The following ARL15 variants were observed in gnomAD, a reference collection of about 807,000 sequenced individuals.
ARL15 encodes the protein ADP-ribosylation factor-like protein 15.
Under a neutral mutation model 25.2 loss-of-function variants are expected in ARL15, and 19 were observed. The ratio of observed to expected loss-of-function variants is 0.75; its 90% CI spans 0.53 to 1.10. ARL15 has a LOEUF of 1.10. Among genes scored for constraint, ARL15 ranks in the 50% least tolerant of loss-of-function variants. The pLI, the probability that ARL15 is intolerant of heterozygous loss-of-function variation, is 0.00. For missense variants in ARL15, 220 were observed against 246.0 expected (o/e 0.89, Z 0.71); for synonymous variants, 94 against 86.8 (o/e 1.08, Z -0.46).
At chr5:53,947,187 T>TGA (rs1746775928) in intron 4 of ARL15, among the ~76,000 whole-genome samples, 1 of 148,018 alleles carries the variant, frequency 6.8e-6, no homozygotes, top group Non-Finnish European at 1.5e-5. Context: ...TGTGTGTGTG[T>TGA]GTGTGTGTGT....
Position 54,159,366 on chromosome 5 carries a change from G to T in ARL15, c.194-4727C>A, listed in dbSNP as rs1026822838. ...AGTGTCCTCTGATGCCATCTTCAGG[G>T]TGTCAGTGTGCTAACGTGACAAGGG... On this transcript the variant is annotated intron_variant, in intron 2 of 4. Coordinates refer to ENST00000504924, the MANE Select transcript of ARL15 (RefSeq NM_019087.3). 4.6e-5 allele frequency among the ~76,000 whole-genome samples: 7 copies of T among 152,116 alleles called. No individual in the cohort carries two copies. In the East Asian group the frequency reaches 1.2e-3, roughly 25 times the overall value.
chr5:54,244,336 T>C (rs1242842657), intron 1 of ARL15, among the ~76,000 whole-genome samples: 1 of 152,234 alleles, frequency 6.6e-6, no homozygotes, highest in African/African-American at 2.4e-5. Flanking sequence ...ATGAAGTTTT[T>C]CATGTCAAAT....
intron 4 of ARL15, among the ~76,000 whole-genome samples, chr5:53,995,303 CAAAAA>C (rs34234639): frequency 2.2e-5 from 1 of 44,680 alleles, no homozygotes; most frequent in Non-Finnish European, 4.3e-5. Flanking sequence ...GACTCCGTCA[CAAAAA>C]AAAAAAAAAA....
At chr5:54,171,080 A>G (rs1286229686) in intron 2 of ARL15, among the ~76,000 whole-genome samples, 1 of 152,168 alleles carries the variant, frequency 6.6e-6, no homozygotes, top group Admixed American at 6.5e-5. Context: ...GAAAAACCCT[A>G]GCCAGGATTT....
At chr5:54,074,126 T>G (rs901077699) in intron 4 of ARL15, among the ~76,000 whole-genome samples, 1 of 152,212 alleles carries the variant, frequency 6.6e-6, no homozygotes, top group Non-Finnish European at 1.5e-5. Context: ...CTAGCATCTT[T>G]ACTATATACC....
chr5:54,146,715 G>C (rs1420588121), intron 3 of ARL15, among the ~76,000 whole-genome samples: 1 of 152,152 alleles, frequency 6.6e-6, no homozygotes, highest in Non-Finnish European at 1.5e-5. Context: ...GGAAACAGTG[G>C]TGCAGCAGCA....
chr5:54,017,782 C>G (rs1307938743), intron 4 of ARL15, among the ~76,000 whole-genome samples: 1 of 151,980 alleles, frequency 6.6e-6, no homozygotes, highest in Non-Finnish European at 1.5e-5. Context: ...CATTAACCCC[C>G]AGAGCCTCTT....
intron 1 of ARL15, among the ~76,000 whole-genome samples, chr5:54,303,544 C>T (rs1350906579): frequency 6.7e-6 from 1 of 150,206 alleles, no homozygotes; most frequent in Non-Finnish European, 1.5e-5. Context: ...AACAAACAAA[C>T]AAACTGGGAC....
intron 3 of ARL15, among the ~76,000 whole-genome samples, chr5:54,140,700 A>G (rs913736494): frequency 6.6e-6 from 1 of 152,204 alleles, no homozygotes; most frequent in African/African-American, 2.4e-5. Context: ...CAAATGGAAA[A>G]TAAAATTACT....
At chr5:54,191,841 T>C (rs1006696822) in intron 1 of ARL15, among the ~76,000 whole-genome samples, 4 of 152,120 alleles carry the variant, frequency 2.6e-5, no homozygotes, top group Non-Finnish European at 4.4e-5. Flanking sequence ...GTGATCCTGT[T>C]AACATATGTC....
rs1561228747 is a variant in ARL15, at chr5:54,113,373, G to A, written c.291C>T (p.Tyr97=). 5.0e-6 allele frequency: 8 copies of A among 1,613,922 alleles called. No individual in the cohort carries two copies. Among genetic ancestry groups the A allele is most frequent in the Non-Finnish European group, 6.8e-6 (8 of 1,179,842 alleles). Reference sequence around the variant, plus strand: ...CAAATATTACCCCTTGAGATCCTTGGTAGTAGCGGCTCCAGTATTTCCGGA... The same window carrying A: ...CAAATATTACCCCTTGAGATCCTTGATAGTAGCGGCTCCAGTATTTCCGGA... The part of the protein sequence containing the change: ...DNIRKYWSRY[Y]QGSQGVIFVL... The change falls in exon 4 of 5, where the codon TAC becomes TAT. Residue 97 remains tyrosine, a synonymous_variant. Coordinates refer to ENST00000504924, the MANE Select transcript of ARL15 (RefSeq NM_019087.3).
At chr5:53,996,178 C>T (rs377283019) in intron 4 of ARL15, among the ~76,000 whole-genome samples, 5 of 152,282 alleles carry the variant, frequency 3.3e-5, no homozygotes, top group African/African-American at 7.2e-5. Context: ...TCAGCTCTGC[C>T]GCCTAGCTGG....
At chr5:53,995,206 G>T (rs768177481) in intron 4 of ARL15, among the ~76,000 whole-genome samples, 2 of 151,470 alleles carry the variant, frequency 1.3e-5, no homozygotes, top group Non-Finnish European at 2.9e-5. Context: ...CTACTCAGGA[G>T]GCTGAGGCAG....
At chr5:54,271,161 C>T (rs1757774201) in intron 1 of ARL15, among the ~76,000 whole-genome samples, 1 of 152,174 alleles carries the variant, frequency 6.6e-6, no homozygotes, top group Non-Finnish European at 1.5e-5. Flanking sequence ...AACTGAGCCA[C>T]ACTACCAGCA....
intron 4 of ARL15, among the ~76,000 whole-genome samples, chr5:53,972,074 A>G (rs1309207790): frequency 6.6e-6 from 1 of 152,206 alleles, no homozygotes; most frequent in Non-Finnish European, 1.5e-5. Flanking sequence ...TTGAACTGGT[A>G]ATGGATATAT....
rs5867914 is a variant in ARL15, at chr5:54,134,568, CTTTTTTTTTTTTT to C, written c.253+19999_253+20011del. On this transcript the variant is annotated intron_variant, in intron 3 of 4. Transcript: ENST00000504924. ...GTGAGCTCCCTGAAGGAATGATTAG[CTTTTTTTTTTTTT>C]TTTTTTTTTTTTTTTTTTTTCTGAG... is the stretch of plus-strand genomic sequence containing the variant. 3.6e-3 allele frequency among the ~76,000 whole-genome samples: 188 copies of C among 51,800 alleles called. 4 individuals are homozygous for C. Among genetic ancestry groups the C allele is most frequent in the South Asian group, 5.4e-3 (6 of 1,116 alleles). The allele number at this position is 51,800 out of a possible 152,430, so 34.0% of individuals were successfully genotyped here.
At chr5:54,054,775 G>A (rs1230957226) in intron 4 of ARL15, among the ~76,000 whole-genome samples, 1 of 152,050 alleles carries the variant, frequency 6.6e-6, no homozygotes, top group Non-Finnish European at 1.5e-5. Flanking sequence ...GGGTTACAGA[G>A]AGAGACTCCG....
chr5:53,893,694 G>T (rs768677738), intron 4 of ARL15, among the ~76,000 whole-genome samples: 3 of 152,112 alleles, frequency 2.0e-5, no homozygotes, highest in Non-Finnish European at 4.4e-5. Flanking sequence ...TTGCAAAAGG[G>T]CCCTCCAGCT....
intron 4 of ARL15, among the ~76,000 whole-genome samples, chr5:54,037,248 T>C (rs1339778712): frequency 6.6e-6 from 1 of 152,018 alleles, no homozygotes; most frequent in Admixed American, 6.6e-5. Flanking sequence ...TCTTAAAGAC[T>C]TAAAAAATTA....
Sources: allele counts gnomAD v4.1 joint callset (sites outside exome capture counted in the v4.1 genomes callset), GRCh38; gene constraint gnomAD v4.1.1; transcripts MANE v1.5; gene names NCBI Gene and HGNC (gene_info 2026-07-23, HGNC 2026-07-21).